Variants in TASP1 observed in about 807,000 individuals in gnomAD.
TASP1 encodes the protein threonine aspartase 1.
Under a neutral mutation model 56.6 loss-of-function variants are expected in TASP1, and 16 were observed. The observed-to-expected ratio is 0.28, with a 90% CI of 0.19 to 0.43. The LOEUF is 0.43. Among genes scored for constraint, TASP1 ranks in the 20% least tolerant of loss-of-function variants. The pLI is 1.00. For synonymous variants in TASP1, 179 were observed against 184.2 expected (o/e 0.97, Z 0.23); for missense variants, 393 against 511.6 (o/e 0.77, Z 2.24).
the TASP1 span, among the ~76,000 whole-genome samples, chr20:13,309,566 T>C: frequency 6.6e-6 from 1 of 152,302 alleles, no homozygotes; most frequent in African/African-American, 2.4e-5. Context: ...TTACTGCTTA[T>C]ATTCAGCACA....
intron 11 of TASP1, among the ~76,000 whole-genome samples, chr20:13,465,184 A>G (rs1315638581): frequency 7.2e-6 from 1 of 139,648 alleles, no homozygotes; most frequent in African/African-American, 2.7e-5. Flanking sequence ...CTCCCAAAAA[A>G]AAAAAAAAAA....
the TASP1 span, among the ~76,000 whole-genome samples, chr20:13,381,504 A>T: frequency 1.3e-5 from 2 of 152,200 alleles, no homozygotes; most frequent in East Asian, 3.8e-4. Context: ...TGCAGACTGG[A>T]GCTGTTCCTA....
chr20:13,536,093 C>T (rs1026718073), intron 8 of TASP1, among the ~76,000 whole-genome samples: 1 of 152,120 alleles, frequency 6.6e-6, no homozygotes, highest in Non-Finnish European at 1.5e-5. Context: ...TCCCCAGATG[C>T]CAAGTTTGAT....
At chr20:13,204,600 C>T in the TASP1 span, among the ~76,000 whole-genome samples, 1 of 151,648 alleles carries the variant, frequency 6.6e-6, no homozygotes, top group Non-Finnish European at 1.5e-5. Flanking sequence ...AGTGCAGTGG[C>T]GCGATCTGGG....
At chr20:13,606,806 CAAAA>C (rs71334137) in intron 4 of TASP1, among the ~76,000 whole-genome samples, 1 of 75,226 alleles carries the variant, frequency 1.3e-5, no homozygotes, top group Admixed American at 1.4e-4. Context: ...GACTCCGTCT[CAAAA>C]AAAAAAAAAA....
the TASP1 span, among the ~76,000 whole-genome samples, chr20:13,142,352 T>G: frequency 6.6e-6 from 1 of 151,926 alleles, no homozygotes; most frequent in South Asian, 2.1e-4. Flanking sequence ...GATGGGGGAG[T>G]GGTGATGTAA....
At chr20:13,382,128 A>G in the TASP1 span, among the ~76,000 whole-genome samples, 2 of 152,266 alleles carry the variant, frequency 1.3e-5, no homozygotes, top group Admixed American at 1.3e-4. Flanking sequence ...AACCAGAGTG[A>G]ATCTTCTATC....
chr20:13,284,977 G>A, the TASP1 span, among the ~76,000 whole-genome samples: 1 of 152,184 alleles, frequency 6.6e-6, no homozygotes, highest in Non-Finnish European at 1.5e-5. Flanking sequence ...GTAATAGTTA[G>A]CTTTTGCTGC....
In TASP1 at chr20:13,603,980, T is replaced by C. The variant is rs538523940; in HGVS notation, c.283-16610A>G. Among the ~76,000 whole-genome samples the C allele has an allele frequency of 5.1e-4, 78 of 152,334 alleles. No individual in the cohort carries two copies. The South Asian group carries it at 0.016, about 30-fold the overall frequency. Reference sequence around the variant, plus strand: ...TCCCCCAAGTGACATCTGATCACTGTGGTCTGTCTCCAGCAAGAATTCTGT... The same window carrying C: ...TCCCCCAAGTGACATCTGATCACTGCGGTCTGTCTCCAGCAAGAATTCTGT... On this transcript the variant is annotated intron_variant, in intron 4 of 13. Coordinates refer to ENST00000337743, the MANE Select transcript of TASP1 (RefSeq NM_017714.3).
intron 11 of TASP1, among the ~76,000 whole-genome samples, chr20:13,441,001 A>G (rs1275963007): frequency 6.6e-6 from 1 of 152,156 alleles, no homozygotes; most frequent in Non-Finnish European, 1.5e-5. Context: ...TGTTCCTTTT[A>G]CCACCAAATC....
At chr20:13,224,155 T>C in the TASP1 span, among the ~76,000 whole-genome samples, 32 of 152,138 alleles carry the variant, frequency 2.1e-4, no homozygotes, top group Non-Finnish European at 2.6e-4. Flanking sequence ...TATCTTGTAA[T>C]AGTGTTCGGT....
At chr20:13,111,750 G>A in the TASP1 span, among the ~76,000 whole-genome samples, 1 of 152,076 alleles carries the variant, frequency 6.6e-6, no homozygotes, top group African/African-American at 2.4e-5. Context: ...GAGCAGACTG[G>A]GCATCTCCTT....
chr20:13,432,924 C>G lies in TASP1; in HGVS notation c.1096+2120G>C, dbSNP rs561532918. Among the ~76,000 whole-genome samples the G allele has an allele frequency of 1.3e-3, 205 of 152,064 alleles. 1 individual carries two copies. Among genetic ancestry groups the G allele is most frequent in the South Asian group, 1.9e-3 (9 of 4,812 alleles). On this transcript the variant is annotated intron_variant, in intron 12 of 13. Transcript: ENST00000337743. Reference sequence around the variant, plus strand: ...AATCGATGAAACAATTTTAATGCCCCCCCCAACCCACCGCTGCCCAAACAC... The same window carrying G: ...AATCGATGAAACAATTTTAATGCCCGCCCCAACCCACCGCTGCCCAAACAC...
chr20:13,489,421 T>C (rs2043441312), intron 10 of TASP1, among the ~76,000 whole-genome samples: 1 of 152,048 alleles, frequency 6.6e-6, no homozygotes, highest in Admixed American at 6.6e-5. Flanking sequence ...CAACTTTCCA[T>C]GCCTGCACTT....
At chr20:13,195,397 G>A in the TASP1 span, among the ~76,000 whole-genome samples, 3 of 152,170 alleles carry the variant, frequency 2.0e-5, no homozygotes, top group African/African-American at 7.2e-5. Context: ...CTCTCTGCCC[G>A]TGTGGAAGTC....
chr20:13,197,015 A>G, the TASP1 span, among the ~76,000 whole-genome samples: 7 of 152,234 alleles, frequency 4.6e-5, no homozygotes, highest in African/African-American at 1.7e-4. Flanking sequence ...AGATGAAGGA[A>G]TAAAGGAATG....
the TASP1 span, among the ~76,000 whole-genome samples, chr20:13,123,747 A>T: frequency 1.3e-5 from 2 of 152,210 alleles, no homozygotes; most frequent in South Asian, 4.2e-4. Context: ...GCTCCTCTGC[A>T]TCTATCCAAA....
At chr20:13,402,058 G>T (rs1450738268) in intron 13 of TASP1, among the ~76,000 whole-genome samples, 2 of 152,120 alleles carry the variant, frequency 1.3e-5, no homozygotes, top group African/African-American at 4.8e-5. Flanking sequence ...TCAAGTAATA[G>T]ATTAAAATAG....
At chr20:13,427,249 A>C (rs2146130637) in intron 12 of TASP1, among the ~76,000 whole-genome samples, 1 of 152,356 alleles carries the variant, frequency 6.6e-6, no homozygotes, top group African/African-American at 2.4e-5. Flanking sequence ...TATCTTTTTA[A>C]TGTTCCAGGA....
Sources: allele counts gnomAD v4.1 joint callset (sites outside exome capture counted in the v4.1 genomes callset), GRCh38; gene constraint gnomAD v4.1.1; transcripts MANE v1.5; gene names NCBI Gene and HGNC (gene_info 2026-07-23, HGNC 2026-07-21).